The following YJU2B variants were observed in gnomAD, a reference collection of about 807,000 sequenced individuals.
YJU2B encodes probable splicing factor YJU2B.
YJU2B carries 18 observed loss-of-function variants against 38.0 expected under a neutral mutation model. The observed-to-expected ratio is 0.47, with a 90% CI of 0.33 to 0.70. YJU2B has a LOEUF of 0.70. Ranked by LOEUF, YJU2B falls within the 30% of genes least tolerant of loss-of-function variation. YJU2B has a pLI of 0.02. For synonymous variants in YJU2B, 246 were observed against 225.4 expected (o/e 1.09, Z -0.82); for missense variants, 538 against 556.3 (o/e 0.97, Z 0.33).
At chr19:13,749,102 C>G (rs748191855) in intron 1 of YJU2B, among the ~76,000 whole-genome samples, 1 of 152,224 alleles carries the variant, frequency 6.6e-6, no homozygotes, top group Admixed American at 6.5e-5. Flanking sequence ...CTCCCAGATT[C>G]AAGCGATTCT....
At chr19:13,761,223 CA>C (rs140789635) in intron 8 of YJU2B, among the ~76,000 whole-genome samples, 1 of 149,842 alleles carries the variant, frequency 6.7e-6, no homozygotes, top group Non-Finnish European at 1.5e-5. Flanking sequence ...ACTAAAAATG[CA>C]AAAAAAAATT....
At position 13,751,658 on chromosome 19, in the gene YJU2B, C is replaced by T. The variant is rs1309505418; in HGVS notation, c.-151C>T. The T allele has an allele frequency of 9.3e-6, 7 of 749,216 alleles. No individual in the cohort carries two copies. Among genetic ancestry groups the T allele is most frequent in the Admixed American group, 2.4e-5 (1 of 42,398 alleles). The allele number at this position is 749,216 out of a possible 1,614,324, so 46.4% of individuals were successfully genotyped here. ...ATGCCTGGCGGGAGTCTTGTCTGAG[C>T]TGGCACCACCACACGGCCCACGACA... On this transcript the variant is annotated 5_prime_UTR_variant, in exon 2 of 10. Coordinates refer to ENST00000221554, the MANE Select transcript of YJU2B (RefSeq NM_030818.4).
chr19:13,744,698 T>C (rs1973182146), upstream of YJU2B, among the ~76,000 whole-genome samples: 1 of 151,878 alleles, frequency 6.6e-6, no homozygotes, highest in Admixed American at 6.6e-5. Context: ...TCTTTAAAAA[T>C]TTCTCTGGGG....
At chr19:13,737,430 TC>T (rs1418997921) in intron 2 of YJU2B, among the ~76,000 whole-genome samples, 3 of 151,704 alleles carry the variant, frequency 2.0e-5, no homozygotes, top group Non-Finnish European at 2.9e-5. Flanking sequence ...TTCCTGCTCT[TC>T]CTGGGTAGTT....
chr19:13,757,833 A>ACC lies in YJU2B; in HGVS notation c.247_248dup (p.Ile84ArgfsTer7), dbSNP rs763013415. The ACC allele has an allele frequency of 1.2e-5, 19 of 1,613,754 alleles. No homozygotes were observed. The highest frequency in any genetic ancestry group is 1.5e-5 in the Non-Finnish European group (18 of 1,179,874). On this transcript the variant is annotated frameshift_variant, in exon 6 of 10. Coordinates refer to ENST00000221554, the MANE Select transcript of YJU2B (RefSeq NM_030818.4). LOFTEE classifies it high-confidence loss of function. ...GAAGAAGGTGGGCAATTACTACACA[A>ACC]CCCCGATCTACAGGTAAGGGCGGCT... is the stretch of plus-strand genomic sequence containing the variant.
chr19:13,747,066 A>T (rs1406721751), upstream of YJU2B, among the ~76,000 whole-genome samples: 1 of 152,192 alleles, frequency 6.6e-6, no homozygotes, highest in South Asian at 2.1e-4. Flanking sequence ...AAGTTGTCTC[A>T]GAGCAGCCCT....
intron 8 of YJU2B, 86 bp from the exon 9 acceptor site, chr19:13,762,213 C>G: frequency 1.4e-6 from 2 of 1,470,490 alleles, no homozygotes; most frequent in South Asian, 2.6e-5. Context: ...AATGAGACCC[C>G]GAGAGTTGGA....
rs1009496999 is a variant in YJU2B, at chr19:13,754,188, A to T, written c.4-101A>T. 3.1e-5 allele frequency: 28 copies of T among 896,836 alleles called. No individual in the cohort carries two copies. The African/African-American group carries it at 3.3e-4, about 11-fold the overall frequency. 55.6% of individuals were successfully genotyped at this position (896,836 alleles called of 1,614,324 possible). On this transcript the variant is annotated intron_variant, in intron 2 of 9. Coordinates refer to ENST00000221554, the MANE Select transcript of YJU2B (RefSeq NM_030818.4). The stretch of plus-strand genomic sequence containing the variant: ...CTCCATCTCTAAAAATTAATAGTAA[A>T]ATAAAAAATCAGAAAAAATTTTTTT...
chr19:13,758,726 G>A (rs998911576), intron 6 of YJU2B, 142 bp from the exon 7 acceptor site: 27 of 929,794 alleles, frequency 2.9e-5, no homozygotes, highest in South Asian at 8.0e-5. Flanking sequence ...CTTTTTGCCC[G>A]TGGCTCTACA....
intron 6 of YJU2B, 133 bp from the exon 7 acceptor site, chr19:13,758,735 C>T: frequency 9.3e-7 from 1 of 1,076,632 alleles, no homozygotes; most frequent in Non-Finnish European, 1.4e-6. Flanking sequence ...CGTGGCTCTA[C>T]ACGGCACACA....
At chr19:13,749,271 T>C (rs893547076) in intron 1 of YJU2B, among the ~76,000 whole-genome samples, 1 of 152,252 alleles carries the variant, frequency 6.6e-6, no homozygotes, top group Admixed American at 6.5e-5. Flanking sequence ...CCCAAAGTGC[T>C]GGGATTACAG....
chr19:13,757,902 G>A (rs1002409060), intron 6 of YJU2B, 56 bp downstream of exon 6: 40 of 1,490,520 alleles, frequency 2.7e-5, no homozygotes, highest in Admixed American at 1.4e-4. Flanking sequence ...AGGGCGAGGG[G>A]GCTACAAAGA....
At chr19:13,737,620 AC>A in intron 2 of YJU2B, among the ~76,000 whole-genome samples, 1 of 149,790 alleles carries the variant, frequency 6.7e-6, no homozygotes, top group Non-Finnish European at 1.5e-5. Context: ...TCCCGTCTCT[AC>A]TAAAAATACA....
intron 2 of YJU2B, among the ~76,000 whole-genome samples, chr19:13,738,925 A>T (rs1973025105): frequency 6.7e-6 from 1 of 149,952 alleles, no homozygotes; most frequent in Non-Finnish European, 1.5e-5. Flanking sequence ...TTAGCTGTGC[A>T]TGGTGGTGGG....
chr19:13,743,377 C>T (rs34258763), upstream of YJU2B, among the ~76,000 whole-genome samples: 1 of 151,208 alleles, frequency 6.6e-6, no homozygotes, highest in Non-Finnish European at 1.5e-5. Context: ...GTCAGGAGTT[C>T]GAGACCAGCC....
upstream of YJU2B, among the ~76,000 whole-genome samples, chr19:13,745,686 G>GAT (rs763551722): frequency 7.6e-4 from 73 of 96,272 alleles, 1 homozygote; most frequent in African/African-American, 3.2e-3. Context: ...TAGATAGATA[G>GAT]ATAGATATAG....
upstream of YJU2B, among the ~76,000 whole-genome samples, chr19:13,743,322 G>T (rs369479789): frequency 3.7e-4 from 56 of 152,362 alleles, 2 homozygotes; most frequent in East Asian, 6.7e-3. Context: ...GCTCACGCCT[G>T]TAATCCTAAT....
intron 2 of YJU2B, among the ~76,000 whole-genome samples, chr19:13,739,929 G>A (rs957096680): frequency 2.6e-5 from 4 of 152,046 alleles, no homozygotes; most frequent in Non-Finnish European, 5.9e-5. Context: ...CCCAGTGTGT[G>A]ATGTTCCCCT....
At chr19:13,762,495 G>A (rs1182334575) in intron 9 of YJU2B, 58 bp downstream of exon 9, 2 of 1,591,320 alleles carry the variant, frequency 1.3e-6, no homozygotes, top group East Asian at 4.5e-5. Flanking sequence ...CCTGGAGATG[G>A]GGGGTCCTCA....
Sources: allele counts gnomAD v4.1 joint callset (sites outside exome capture counted in the v4.1 genomes callset), GRCh38; gene constraint gnomAD v4.1.1; transcripts MANE v1.5; gene names NCBI Gene and HGNC (gene_info 2026-07-23, HGNC 2026-07-21).